KCNMA1: variants seen among roughly 807,000 people sequenced by gnomAD.
The protein encoded by KCNMA1 is Calcium-activated potassium channel subunit alpha-1.
A neutral mutation model predicts 140.0 loss-of-function variants in KCNMA1; 29 were observed. The observed-to-expected ratio is 0.21, with a 90% confidence interval of 0.15 to 0.28. The LOEUF is 0.28. Among genes scored for constraint, KCNMA1 ranks in the 10% least tolerant of loss-of-function variants. KCNMA1 has a pLI of 1.00. For synonymous variants in KCNMA1, 612 were observed against 611.9 expected, an observed-to-expected ratio of 1.00 and a Z score of 0.00; for missense variants, 880 against 1,602.2, an observed-to-expected ratio of 0.55 and a Z score of 7.70.
intron 2 of KCNMA1, among the ~76,000 whole-genome samples, chr10:77,382,378 T>C (rs2095420743): frequency 6.6e-6 from 1 of 152,144 alleles, no homozygotes; most frequent in Non-Finnish European, 1.5e-5. Flanking sequence ...ATTTTACAGA[T>C]GAAGCAAGTG....
At chr10:77,574,062 C>T (rs58640785) in intron 1 of KCNMA1, among the ~76,000 whole-genome samples, 26,713 of 151,876 alleles carry the variant, frequency 0.18, 2,649 homozygotes, top group African/African-American at 0.27. Flanking sequence ...TCTCGAACTC[C>T]TGGCCTGAAG....
intron 5 of KCNMA1, among the ~76,000 whole-genome samples, chr10:77,159,215 C>T (rs1456417222): frequency 2.0e-5 from 3 of 152,124 alleles, no homozygotes; most frequent in Non-Finnish European, 4.4e-5. Context: ...TTCCTAAGCC[C>T]CCAGAATGGC....
intron 19 of KCNMA1, among the ~76,000 whole-genome samples, chr10:76,982,857 G>GA (rs1192399550): frequency 6.6e-6 from 1 of 152,126 alleles, no homozygotes; most frequent in Non-Finnish European, 1.5e-5. Context: ...ATAAAGCAGG[G>GA]AGGCCCTTGG....
chr10:77,115,785 T>A (rs1361008466), intron 6 of KCNMA1, among the ~76,000 whole-genome samples: 1 of 152,250 alleles, frequency 6.6e-6, no homozygotes, highest in Non-Finnish European at 1.5e-5. Context: ...TGTTTAGCTC[T>A]GAAATCTGAT....
intron 2 of KCNMA1, among the ~76,000 whole-genome samples, chr10:77,345,377 G>A (rs1262508935): frequency 6.6e-6 from 1 of 152,160 alleles, no homozygotes; most frequent in Non-Finnish European, 1.5e-5. Flanking sequence ...GCCAGGTGGT[G>A]CCTCCCTAAT....
At chr10:77,196,603 G>A (rs2040583206) in intron 3 of KCNMA1, among the ~76,000 whole-genome samples, 1 of 152,174 alleles carries the variant, frequency 6.6e-6, no homozygotes, top group Non-Finnish European at 1.5e-5. Flanking sequence ...AAAAAGGACT[G>A]TGGGAAGAGC....
At chr10:77,192,772 A>AT (rs2039027190) in intron 3 of KCNMA1, among the ~76,000 whole-genome samples, 1 of 152,056 alleles carries the variant, frequency 6.6e-6, no homozygotes, top group South Asian at 2.1e-4. Flanking sequence ...AATTGTTTCT[A>AT]TTTTTTTCAT....
At chr10:76,915,458 G>A (rs1190209589) in intron 23 of KCNMA1, among the ~76,000 whole-genome samples, 1 of 152,122 alleles carries the variant, frequency 6.6e-6, no homozygotes, top group African/African-American at 2.4e-5. Context: ...GTATTGGACA[G>A]CCATCTCTCT....
At chr10:77,078,435 G>A (rs1465747248) in intron 13 of KCNMA1, among the ~76,000 whole-genome samples, 1 of 152,202 alleles carries the variant, frequency 6.6e-6, no homozygotes, top group Non-Finnish European at 1.5e-5. Flanking sequence ...TAATCACAGG[G>A]AAACAGCATA....
chr10:76,873,942 G>T (rs972782094), downstream of KCNMA1: 1 of 152,122 alleles, frequency 6.6e-6, no homozygotes, highest in African/African-American at 2.4e-5. Flanking sequence ...AGATTCACAT[G>T]GGGAAACATA....
chr10:77,462,436 T>C (rs1566977019), intron 1 of KCNMA1, among the ~76,000 whole-genome samples: 1 of 152,092 alleles, frequency 6.6e-6, no homozygotes, highest in Non-Finnish European at 1.5e-5. Flanking sequence ...CAAATAGACA[T>C]ATAAATACAC....
chr10:77,315,483 T>C (rs1194323573), intron 2 of KCNMA1: 2 of 152,212 alleles, frequency 1.3e-5, no homozygotes, highest in African/African-American at 2.4e-5. Flanking sequence ...AATCTGAAGA[T>C]TGAAAGTCAG....
chr10:77,126,596 C>G (rs2097738008), intron 5 of KCNMA1, among the ~76,000 whole-genome samples: 1 of 152,128 alleles, frequency 6.6e-6, no homozygotes, highest in South Asian at 2.1e-4. Context: ...CCTTATTTGT[C>G]CTGGGCTCTT....
At chr10:77,506,836 AGAGAGTGTGT>A (rs1311754596) in intron 1 of KCNMA1, among the ~76,000 whole-genome samples, 20 of 124,830 alleles carry the variant, frequency 1.6e-4, no homozygotes, top group African/African-American at 7.7e-4. Flanking sequence ...AGAGAGAGAG[AGAGAGTGTGT>A]GTGTGTGTGT....
At chr10:77,242,136 C>T (rs1296650891) in intron 3 of KCNMA1, among the ~76,000 whole-genome samples, 1 of 152,206 alleles carries the variant, frequency 6.6e-6, no homozygotes. Flanking sequence ...ACGTCGCACA[C>T]TGACCTCAGT....
intron 2 of KCNMA1, among the ~76,000 whole-genome samples, chr10:77,376,948 A>AATACATAC (rs66548732): frequency 0.034 from 5,049 of 148,404 alleles, 179 homozygotes; most frequent in Admixed American, 0.096. Context: ...AAAATAAATA[A>AATACATAC]ATACATACAT....
intron 1 of KCNMA1, among the ~76,000 whole-genome samples, chr10:77,606,621 A>G (rs973220364): frequency 5.9e-5 from 9 of 152,196 alleles, no homozygotes; most frequent in African/African-American, 2.2e-4. Context: ...AAGAAAAGAA[A>G]AAAGGCACCC....
chr10:77,214,143 T>C (rs1315357096), intron 3 of KCNMA1, among the ~76,000 whole-genome samples: 1 of 152,208 alleles, frequency 6.6e-6, no homozygotes, highest in Non-Finnish European at 1.5e-5. Flanking sequence ...TGGTTTCGCT[T>C]TAAATTCATG....
intron 3 of KCNMA1, among the ~76,000 whole-genome samples, chr10:77,212,064 G>A (rs755864316): frequency 6.6e-6 from 1 of 152,054 alleles, no homozygotes; most frequent in Non-Finnish European, 1.5e-5. Flanking sequence ...TTAAATCAGA[G>A]CTACCATTCA....
Sources: allele counts gnomAD v4.1 joint callset (sites outside exome capture counted in the v4.1 genomes callset), GRCh38; gene constraint gnomAD v4.1.1; transcripts MANE v1.5; gene names NCBI Gene and HGNC (gene_info 2026-07-23, HGNC 2026-07-21).